Variants in LDLRAD3 observed in about 807,000 individuals in gnomAD.
LDLRAD3 encodes the protein low density lipoprotein receptor class A domain containing 3, also known as low-density lipoprotein receptor class A domain-containing protein 3.
Under a neutral mutation model 29.4 loss-of-function variants are expected in LDLRAD3, and 20 were observed. The observed-to-expected ratio is 0.68, with a 90% CI of 0.48 to 0.99. The LOEUF is 0.99. Ranked by LOEUF, LDLRAD3 falls within the 50% of genes least tolerant of loss-of-function variation. LDLRAD3 has a pLI of 0.00. For missense variants in LDLRAD3, 420 were observed against 454.3 expected, an observed-to-expected ratio of 0.92 and a Z score of 0.69; for synonymous variants, 157 against 192.7, an observed-to-expected ratio of 0.81 and a Z score of 1.53.
At chr11:35,981,158 A>C (rs1851536288) in intron 1 of LDLRAD3, among the ~76,000 whole-genome samples, 1 of 137,742 alleles carries the variant, frequency 7.3e-6, no homozygotes, top group Admixed American at 7.9e-5. Context: ...CTAAATGCTC[A>C]CGTCATTAGG....
intron 4 of LDLRAD3, among the ~76,000 whole-genome samples, chr11:36,133,547 C>CTTTTTTTTTT (rs67935336): frequency 1.7e-5 from 2 of 119,904 alleles, no homozygotes; most frequent in African/African-American, 3.2e-5. Flanking sequence ...TTTTTCTTTT[C>CTTTTTTTTTT]TTTTTTTTTT....
chr11:35,945,291 T>C (rs2942400), intron 1 of LDLRAD3, among the ~76,000 whole-genome samples: 7,789 of 152,280 alleles, frequency 0.051, 332 homozygotes, highest in African/African-American at 0.12. Context: ...CTTGGAGTTA[T>C]GAATGCGTTA....
intron 2 of LDLRAD3, among the ~76,000 whole-genome samples, chr11:36,081,037 T>C (rs10836487): frequency 0.85 from 128,886 of 152,134 alleles, 55,424 homozygotes; most frequent in East Asian, 0.99. Context: ...ACAGTTTAGG[T>C]ACAGTGAGCC....
intron 4 of LDLRAD3, among the ~76,000 whole-genome samples, chr11:36,173,754 T>C (rs1854631726): frequency 6.6e-6 from 1 of 152,170 alleles, no homozygotes; most frequent in Non-Finnish European, 1.5e-5. Flanking sequence ...TCTAGATCTT[T>C]GAGAATCAAT....
chr11:36,088,795 T>C (rs1590257284), intron 3 of LDLRAD3, among the ~76,000 whole-genome samples: 1 of 152,218 alleles, frequency 6.6e-6, no homozygotes, highest in African/African-American at 2.4e-5. Flanking sequence ...TTTGGAAATC[T>C]TTCTGGTTTG....
rs761045228 is a variant in LDLRAD3 at position 36,229,329 on chromosome 11, C to G, written c.970C>G (p.Pro324Ala). 1.1e-5 allele frequency: 18 copies of G among 1,614,088 alleles called. No homozygotes were observed. The highest frequency in any genetic ancestry group is 1.5e-5 in the Non-Finnish European group (18 of 1,180,020). Residue 324 changes from proline (P) to alanine (A), a missense_variant, in exon 6 of 6, where the codon CCT (proline) becomes GCT (alanine). Coordinates refer to ENST00000315571, the MANE Select transcript of LDLRAD3 (RefSeq NM_174902.4). ...AGACACCAGCCACAGCCCGGGGCAG[C>G]CTGGCCCCCAGGAGGGCACTGCTGA... The part of the protein sequence containing the change: ...VEDTSHSPGQ[P>A]GPQEGTAEPR...
intron 4 of LDLRAD3, among the ~76,000 whole-genome samples, chr11:36,145,799 T>C (rs1443662771): frequency 1.3e-5 from 2 of 150,564 alleles, no homozygotes; most frequent in African/African-American, 4.9e-5. Context: ...AACAGATGCT[T>C]GAAGGCAGCA....
chr11:35,945,197 G>A (rs1851041409), intron 1 of LDLRAD3, among the ~76,000 whole-genome samples: 1 of 152,218 alleles, frequency 6.6e-6, no homozygotes, highest in African/African-American at 2.4e-5. Context: ...ATTTTGCCAA[G>A]TGCTTCTAGC....
At chr11:35,960,170 A>G (rs1389165676) in intron 1 of LDLRAD3, among the ~76,000 whole-genome samples, 2 of 152,054 alleles carry the variant, frequency 1.3e-5, no homozygotes, top group Non-Finnish European at 1.5e-5. Flanking sequence ...TTACCTTTAT[A>G]ATTTTGAGTT....
intron 4 of LDLRAD3, among the ~76,000 whole-genome samples, chr11:36,146,049 G>C (rs1854189099): frequency 6.7e-6 from 1 of 149,618 alleles, no homozygotes; most frequent in Non-Finnish European, 1.5e-5. Context: ...TTCAACACAG[G>C]AATTTAGGAG....
intron 1 of LDLRAD3, among the ~76,000 whole-genome samples, chr11:35,956,047 C>T (rs1851196701): frequency 6.6e-6 from 1 of 152,222 alleles, no homozygotes; most frequent in Admixed American, 6.5e-5. Context: ...GAGTCTGACA[C>T]CAGTGGCTGC....
chr11:36,144,772 C>G (rs1350732665), intron 4 of LDLRAD3, among the ~76,000 whole-genome samples: 2 of 133,674 alleles, frequency 1.5e-5, no homozygotes, highest in East Asian at 2.3e-4. Flanking sequence ...GTCAGCCCCC[C>G]GCCCGGCCAG....
intron 3 of LDLRAD3, among the ~76,000 whole-genome samples, chr11:36,097,151 A>G (rs1853372814): frequency 6.6e-6 from 1 of 152,212 alleles, no homozygotes; most frequent in Admixed American, 6.5e-5. Context: ...GAAAGTGCCT[A>G]GAATAGGAGC....
chr11:36,132,819 C>A (rs190943753), intron 4 of LDLRAD3, among the ~76,000 whole-genome samples: 3 of 152,274 alleles, frequency 2.0e-5, no homozygotes, highest in East Asian at 3.9e-4. Flanking sequence ...CGTACTCATG[C>A]GGGGCCGTGT....
At position 36,109,140 on chromosome 11, in the gene LDLRAD3, C is replaced by T. The variant is rs796899576; in HGVS notation, c.454+10679C>T. Among the ~76,000 whole-genome samples the T allele has an allele frequency of 2.1e-4, 32 of 152,234 alleles. 1 individual carries two copies. Among genetic ancestry groups the T allele is most frequent in the African/African-American group, 6.7e-4 (28 of 41,516 alleles). Reference sequence around the variant, plus strand: ...TAGAATCAGACAATGCAGAGAGGAACGCAGAAGCCCCAAAGCTAGGGCTTC... The same window carrying T: ...TAGAATCAGACAATGCAGAGAGGAATGCAGAAGCCCCAAAGCTAGGGCTTC... On this transcript the variant is annotated intron_variant, in intron 4 of 5. Coordinates refer to ENST00000315571, the MANE Select transcript of LDLRAD3 (RefSeq NM_174902.4).
intron 1 of LDLRAD3, among the ~76,000 whole-genome samples, chr11:35,994,135 C>A (rs1416060331): frequency 6.6e-6 from 1 of 151,826 alleles, no homozygotes; most frequent in East Asian, 1.9e-4. Context: ...CGGGAGCCTA[C>A]CATACCTCAG....
At chr11:36,033,387 G>T (rs1157542005) in intron 1 of LDLRAD3, among the ~76,000 whole-genome samples, 1 of 152,174 alleles carries the variant, frequency 6.6e-6, no homozygotes, top group Non-Finnish European at 1.5e-5. Context: ...TTTAGTCTCT[G>T]CATCCACCCA....
chr11:36,100,281 C>T (rs986981713), intron 4 of LDLRAD3, among the ~76,000 whole-genome samples: 5 of 152,172 alleles, frequency 3.3e-5, no homozygotes, highest in Admixed American at 6.5e-5. Flanking sequence ...CTGAACGCAA[C>T]GTATTGCTGG....
chr11:35,998,553 A>T (rs747832598), intron 1 of LDLRAD3, among the ~76,000 whole-genome samples: 6 of 152,196 alleles, frequency 3.9e-5, no homozygotes, highest in South Asian at 4.1e-4. Context: ...AAAACAAAAA[A>T]CAGTCCTAGA....
Sources: gnomAD v4.1 joint callset for allele counts (sites outside exome capture counted in the v4.1 genomes callset) on GRCh38, gnomAD v4.1.1 for gene constraint, MANE v1.5 for transcripts, NCBI Gene and HGNC (gene_info 2026-07-23, HGNC 2026-07-21) for gene names.